Variants in MGST2 observed in about 807,000 individuals in gnomAD.
MGST2 encodes the protein microsomal glutathione S-transferase 2.
A neutral mutation model predicts 16.6 loss-of-function variants in MGST2; 9 were observed. The observed-to-expected ratio is 0.54, with a 90% CI of 0.33 to 0.95. The LOEUF (loss-of-function observed/expected upper bound fraction) is 0.95. Among genes scored for constraint, MGST2 ranks in the 40% least tolerant of loss-of-function variants. The pLI is 0.03. For missense variants in MGST2, 159 were observed against 175.1 expected (o/e 0.91, Z 0.52); for synonymous variants, 79 against 68.0 (o/e 1.16, Z -0.79).
intron 5 of MGST2, among the ~76,000 whole-genome samples, chr4:139,733,889 T>A (rs1431358545): frequency 6.6e-6 from 1 of 152,186 alleles, no homozygotes; most frequent in Admixed American, 6.5e-5. Context: ...TTGTTGCCCA[T>A]CTGTGTTGCC....
At chr4:139,678,195 G>A (rs1220664566) in intron 1 of MGST2, among the ~76,000 whole-genome samples, 1 of 152,150 alleles carries the variant, frequency 6.6e-6, no homozygotes, top group East Asian at 1.9e-4. Context: ...CCTCCAGGGG[G>A]CCAAGGGCTT....
intron 2 of MGST2, among the ~76,000 whole-genome samples, chr4:139,679,807 A>C (rs907152214): frequency 1.3e-5 from 2 of 152,206 alleles, no homozygotes; most frequent in African/African-American, 2.4e-5. Context: ...ATGAGAAGTC[A>C]TTCTCATTTC....
intron 5 of MGST2, among the ~76,000 whole-genome samples, chr4:139,737,557 A>T (rs1194184899): frequency 6.6e-6 from 1 of 151,762 alleles, no homozygotes; most frequent in Non-Finnish European, 1.5e-5. Flanking sequence ...AATATGCATC[A>T]TTTTTTTTAA....
Position 139,668,372 on chromosome 4 carries a change from T to A in MGST2, c.58+2295T>A, listed in dbSNP as rs150967340. Among the ~76,000 whole-genome samples, 192 of 152,286 alleles carry A rather than the reference T, an allele frequency of 1.3e-3. 2 individuals are homozygous for A. Among genetic ancestry groups the A allele is most frequent in the African/African-American group, 4.3e-3 (180 of 41,554 alleles). Reference sequence around the variant, plus strand: ...AAAAGACCTGGCAAGGGAAAGGGATTTTCTACAGAATGTAGACTTTCCCCA... The same window carrying A: ...AAAAGACCTGGCAAGGGAAAGGGATATTCTACAGAATGTAGACTTTCCCCA... On this transcript the variant is annotated intron_variant, in intron 1 of 4. Coordinates refer to ENST00000265498, the MANE Select transcript of MGST2 (RefSeq NM_002413.5).
chr4:139,751,539 G>T, the MGST2 span, among the ~76,000 whole-genome samples: 1 of 152,296 alleles, frequency 6.6e-6, no homozygotes, highest in South Asian at 2.1e-4. Flanking sequence ...TCCACATGTG[G>T]TATCATGTCA....
intron 5 of MGST2, among the ~76,000 whole-genome samples, chr4:139,732,689 T>C (rs939979551): frequency 1.3e-5 from 2 of 151,976 alleles, no homozygotes; most frequent in Non-Finnish European, 1.5e-5. Flanking sequence ...TTTGGTTACA[T>C]GAGTAAGCAG....
At chr4:139,670,953 T>G (rs1257991464) in intron 1 of MGST2, among the ~76,000 whole-genome samples, 1 of 149,816 alleles carries the variant, frequency 6.7e-6, no homozygotes, top group African/African-American at 2.5e-5. Context: ...TATACCAGAG[T>G]CAGTTGGAAA....
chr4:139,691,691 G>T (rs199561999), intron 2 of MGST2, among the ~76,000 whole-genome samples: 19,751 of 129,394 alleles, frequency 0.15, 1,425 homozygotes, highest in East Asian at 0.39. Context: ...TGATGATGAT[G>T]ATGATGATTA....
chr4:139,727,682 A>C (rs1728530560), intron 5 of MGST2, among the ~76,000 whole-genome samples: 1 of 152,252 alleles, frequency 6.6e-6, no homozygotes, highest in African/African-American at 2.4e-5. Context: ...CTTTTGGAGA[A>C]TACGGCATTA....
chr4:139,722,426 A>G (rs1213822620), intron 5 of MGST2, among the ~76,000 whole-genome samples: 1 of 152,230 alleles, frequency 6.6e-6, no homozygotes, highest in East Asian at 1.9e-4. Flanking sequence ...TTGTCTTTAC[A>G]TGATTACTAC....
Position 139,666,083 on chromosome 4 carries a change from A to G in MGST2, c.58+6A>G, listed in dbSNP as rs749774320. ...TCTCTCGGCCTGTCAGCAAAGTAAGAGGCATGGGAAGTTCGTGTGTGTGCG... is the reference window on the plus strand; with the variant it reads ...TCTCTCGGCCTGTCAGCAAAGTAAGGGGCATGGGAAGTTCGTGTGTGTGCG... On this transcript the variant is annotated splice_donor_region_variant and intron_variant, in intron 1 of 4. Transcript: ENST00000265498. 28 of 1,609,652 alleles carry G rather than the reference A, an allele frequency of 1.7e-5. No homozygotes were observed. In the Admixed American group the frequency reaches 4.4e-4, roughly 25 times the overall value.
In MGST2 at chr4:139,698,346, C is replaced by G. The variant is rs1249467477; in HGVS notation, c.229+3079C>G. 50 of 1,593,324 alleles carry G rather than the reference C, an allele frequency of 3.1e-5. No individual in the cohort carries two copies. The Admixed American group carries it at 8.3e-4, about 27-fold the overall frequency. ...GTCCTGAGCAATTTCTCGCACCAGA[C>G]GCTGGAAGGGAAGTTTGCGAACCAG... On this transcript the variant is annotated intron_variant, in intron 3 of 4. Transcript: ENST00000265498.
At chr4:139,670,269 C>T (rs28750421) in intron 1 of MGST2, among the ~76,000 whole-genome samples, 245 of 35,722 alleles carry the variant, frequency 6.9e-3, no homozygotes, top group African/African-American at 0.027. Context: ...GGGGGGGGGG[C>T]GGTTAACAGA....
intron 2 of MGST2, 37 bp from the exon 3 acceptor site, chr4:139,695,160 C>T (rs762073301): frequency 6.9e-7 from 1 of 1,454,968 alleles, no homozygotes; most frequent in South Asian, 1.1e-5. Context: ...GTATACTTTT[C>T]TCATAAAATA....
At chr4:139,690,099 C>T (rs1726484510) in intron 2 of MGST2, among the ~76,000 whole-genome samples, 1 of 152,052 alleles carries the variant, frequency 6.6e-6, no homozygotes, top group Admixed American at 6.6e-5. Context: ...TCAAGCGATT[C>T]TTCTGCCTCA....
intron 5 of MGST2, among the ~76,000 whole-genome samples, chr4:139,738,004 G>A (rs1579378302): frequency 6.6e-6 from 1 of 152,270 alleles, no homozygotes; most frequent in Non-Finnish European, 1.5e-5. Flanking sequence ...TGCGAAGGCT[G>A]CTAAATGGGT....
At chr4:139,744,323 GT>G (rs1729255933), downstream of MGST2, among the ~76,000 whole-genome samples, 1 of 152,142 alleles carries the variant, frequency 6.6e-6, no homozygotes. Context: ...AGATCTTAGA[GT>G]TGATTTTTCT....
At chr4:139,707,200 C>T (rs965631171), downstream of MGST2, among the ~76,000 whole-genome samples, 13 of 152,038 alleles carry the variant, frequency 8.6e-5, no homozygotes, top group African/African-American at 3.1e-4. Flanking sequence ...ATACCTCCCC[C>T]CTCTCCCCAC....
At chr4:139,751,988 G>GC in the MGST2 span, among the ~76,000 whole-genome samples, 1 of 152,140 alleles carries the variant, frequency 6.6e-6, no homozygotes, top group South Asian at 2.1e-4. Flanking sequence ...TATGGTCTGA[G>GC]CCCAGCAGCA....
Sources: allele counts gnomAD v4.1 joint callset (sites outside exome capture counted in the v4.1 genomes callset), GRCh38; gene constraint gnomAD v4.1.1; transcripts MANE v1.5; gene names NCBI Gene and HGNC (gene_info 2026-07-23, HGNC 2026-07-21).